Variants in GALNT13 observed in about 807,000 individuals in gnomAD.
GALNT13 encodes the protein UDP-GalNAc:polypeptide N-acetylgalactosaminyltransferase 13.
GALNT13 carries 28 observed loss-of-function variants against 64.2 expected under a neutral mutation model. The observed-to-expected ratio is 0.44, with a 90% CI of 0.32 to 0.60. The LOEUF (loss-of-function observed/expected upper bound fraction) is 0.60. GALNT13 is among the 20% of genes least tolerant of loss of function. The probability of loss-of-function intolerance (pLI) is 0.05; values close to 1 mark genes in which losing one functional copy is unlikely to be tolerated. For synonymous variants in GALNT13, 214 were observed against 224.6 expected (o/e 0.95, Z 0.42); for missense variants, 577 against 669.8 (o/e 0.86, Z 1.53).
At chr2:153,549,555 T>C in the GALNT13 span, among the ~76,000 whole-genome samples, 96 of 152,278 alleles carry the variant, frequency 6.3e-4, no homozygotes, top group Middle Eastern at 3.4e-3. Context: ...CTCACTTTCT[T>C]AGAAAACTGT....
At chr2:153,146,341 A>C in the GALNT13 span, among the ~76,000 whole-genome samples, 2 of 151,774 alleles carry the variant, frequency 1.3e-5, no homozygotes, top group Admixed American at 1.3e-4. Flanking sequence ...TTATTTGCCA[A>C]GTTCCTTACA....
At chr2:153,374,469 G>A in the GALNT13 span, among the ~76,000 whole-genome samples, 4 of 151,842 alleles carry the variant, frequency 2.6e-5, no homozygotes, top group Admixed American at 2.6e-4. Flanking sequence ...TATATATTTT[G>A]TATATTGAAC....
chr2:154,446,505 A>G, intron 12 of GALNT13: 1 of 1,437,598 alleles, frequency 7.0e-7, no homozygotes. Context: ...GCCTAGGATG[A>G]TTGATTTATT....
the GALNT13 span, among the ~76,000 whole-genome samples, chr2:153,200,910 G>A: frequency 1.3e-5 from 2 of 152,200 alleles, no homozygotes; most frequent in Non-Finnish European, 2.9e-5. Context: ...AAAAAGATGG[G>A]ACTGAATCCA....
At chr2:153,323,850 A>G in the GALNT13 span, among the ~76,000 whole-genome samples, 2 of 152,018 alleles carry the variant, frequency 1.3e-5, no homozygotes, top group Non-Finnish European at 2.9e-5. Flanking sequence ...TGGTCTATAT[A>G]TCTATTTTGG....
the GALNT13 span, among the ~76,000 whole-genome samples, chr2:153,731,373 G>C: frequency 2.0e-4 from 31 of 151,876 alleles, no homozygotes; most frequent in African/African-American, 7.2e-4. Context: ...GGTGAGGGAT[G>C]AGAAATTATC....
chr2:153,494,859 A>T, the GALNT13 span, among the ~76,000 whole-genome samples: 1 of 152,110 alleles, frequency 6.6e-6, no homozygotes, highest in Non-Finnish European at 1.5e-5. Context: ...GAATATATAT[A>T]ATACTCTTTT....
At chr2:153,805,534 C>A in the GALNT13 span, among the ~76,000 whole-genome samples, 1 of 152,102 alleles carries the variant, frequency 6.6e-6, no homozygotes, top group Middle Eastern at 3.4e-3. Context: ...ATTGACATAA[C>A]TAGTGATGAA....
chr2:153,459,292 T>C, the GALNT13 span, among the ~76,000 whole-genome samples: 1 of 151,768 alleles, frequency 6.6e-6, no homozygotes, highest in Non-Finnish European at 1.5e-5. Flanking sequence ...GAAAACTGTA[T>C]TAGAAAATAA....
At chr2:153,285,090 C>A in the GALNT13 span, among the ~76,000 whole-genome samples, 2 of 150,866 alleles carry the variant, frequency 1.3e-5, no homozygotes, top group African/African-American at 4.9e-5. Flanking sequence ...GCTGGGGAGA[C>A]CTTAGGAAAC....
intron 3 of GALNT13, among the ~76,000 whole-genome samples, chr2:154,063,135 A>T (rs900574913): frequency 7.2e-5 from 11 of 151,864 alleles, no homozygotes; most frequent in African/African-American, 2.7e-4. Context: ...GCAAATATGT[A>T]TTTCCTTATT....
At chr2:153,666,902 A>C in the GALNT13 span, among the ~76,000 whole-genome samples, 1 of 152,194 alleles carries the variant, frequency 6.6e-6, no homozygotes, top group Non-Finnish European at 1.5e-5. Flanking sequence ...GAAACTCAAC[A>C]CAAGGAATCT....
At chr2:154,424,671 C>T (rs894371402) in intron 11 of GALNT13, among the ~76,000 whole-genome samples, 1 of 152,148 alleles carries the variant, frequency 6.6e-6, no homozygotes, top group Admixed American at 6.5e-5. Flanking sequence ...CTGACTCCGA[C>T]GTGCTTATTC....
At chr2:154,348,421 T>TTTGG (rs900410724) in intron 9 of GALNT13, among the ~76,000 whole-genome samples, 1 of 151,912 alleles carries the variant, frequency 6.6e-6, no homozygotes. Flanking sequence ...TACAGTGTGC[T>TTTGG]TTGGTTGGTT....
chr2:154,138,106 T>C (rs1422135266), intron 3 of GALNT13, among the ~76,000 whole-genome samples: 2 of 151,992 alleles, frequency 1.3e-5, no homozygotes, highest in Non-Finnish European at 2.9e-5. Context: ...CCCCATACAT[T>C]TCCTAGTTAC....
the GALNT13 span, among the ~76,000 whole-genome samples, chr2:153,467,073 G>A: frequency 7.2e-5 from 11 of 151,908 alleles, no homozygotes; most frequent in African/African-American, 1.5e-4. Context: ...CAACATATTC[G>A]AATAAAACAT....
the GALNT13 span, among the ~76,000 whole-genome samples, chr2:153,356,834 G>T: frequency 1.8e-5 from 2 of 111,152 alleles, no homozygotes; most frequent in Admixed American, 1.4e-4. Flanking sequence ...GTCTTGCTCT[G>T]TCGCCCAGGC....
intron 4 of GALNT13, among the ~76,000 whole-genome samples, chr2:154,213,241 C>T (rs897524687): frequency 9.2e-5 from 14 of 151,948 alleles, no homozygotes; most frequent in African/African-American, 3.4e-4. Flanking sequence ...CACAACACCC[C>T]GCTAATTTTT....
At chr2:154,445,324 T>G (rs1345792127) in intron 12 of GALNT13, among the ~76,000 whole-genome samples, 1 of 151,970 alleles carries the variant, frequency 6.6e-6, no homozygotes, top group Non-Finnish European at 1.5e-5. Flanking sequence ...AGCAAAATCA[T>G]TTTGTTTTTG....
Sources: gnomAD v4.1 joint callset for allele counts (sites outside exome capture counted in the v4.1 genomes callset) on GRCh38, gnomAD v4.1.1 for gene constraint, MANE v1.5 for transcripts, NCBI Gene and HGNC (gene_info 2026-07-23, HGNC 2026-07-21) for gene names.